Variants in SAMD12 observed in about 807,000 individuals in gnomAD.
The protein encoded by SAMD12 is sterile alpha motif domain-containing protein 12.
Under a neutral mutation model 15.0 loss-of-function variants are expected in SAMD12, and 9 were observed. The ratio of observed to expected loss-of-function variants is 0.60; its 90% CI spans 0.36 to 1.05. The LOEUF (loss-of-function observed/expected upper bound fraction) is 1.05. SAMD12 is among the 50% of genes least tolerant of loss of function. The probability of loss-of-function intolerance (pLI) is 0.01; values close to 1 mark genes in which losing one functional copy is unlikely to be tolerated. For missense variants in SAMD12, 230 were observed against 234.2 expected, an observed-to-expected ratio of 0.98 and a Z score of 0.12; for synonymous variants, 86 against 90.1, an observed-to-expected ratio of 0.96 and a Z score of 0.25.
At chr8:118,333,975 CTG>C (rs777240048) in intron 4 of SAMD12, among the ~76,000 whole-genome samples, 36 of 144,488 alleles carry the variant, frequency 2.5e-4, no homozygotes, top group Non-Finnish European at 3.0e-4. Context: ...AGGGGTGTGT[CTG>C]TGTGTGTGTG....
chr8:118,204,160 C>T (rs1382130935), intron 4 of SAMD12, among the ~76,000 whole-genome samples: 1 of 151,698 alleles, frequency 6.6e-6, no homozygotes, highest in Admixed American at 6.6e-5. Flanking sequence ...ACAGGCATTA[C>T]CATTATAAGA....
At position 118,379,239 on chromosome 8, in the gene SAMD12, G is replaced by A; in HGVS notation, c.*178C>T. On this transcript the variant is annotated 3_prime_UTR_variant, in exon 4 of 4. Coordinates refer to ENST00000314727, the MANE Select transcript of SAMD12 (RefSeq NM_207506.3). ...TGCACATTATACAACTCTAGTGAGT[G>A]CAATCGTACCCTGATTGATGTGACT... The A allele has an allele frequency of 7.0e-7, 1 of 1,420,056 alleles. No individual in the cohort carries two copies. Among genetic ancestry groups the A allele is most frequent in the South Asian group, 1.5e-5 (1 of 65,478 alleles). 88.0% of individuals were successfully genotyped at this position (1,420,056 alleles called of 1,614,324 possible). A position where few individuals can be genotyped will look rare whatever the true frequency, so the allele number is the denominator to read the frequency against.
At chr8:118,414,202 AAAG>A (rs1821570519) in intron 3 of SAMD12, among the ~76,000 whole-genome samples, 1 of 152,234 alleles carries the variant, frequency 6.6e-6, no homozygotes, top group Admixed American at 6.5e-5. Flanking sequence ...GACATTTGAA[AAAG>A]AAGAATCATT....
At chr8:118,442,051 TAG>T (rs1410380156) in intron 2 of SAMD12, among the ~76,000 whole-genome samples, 10 of 152,264 alleles carry the variant, frequency 6.6e-5, no homozygotes, top group Non-Finnish European at 1.5e-5. Context: ...GATACCACAA[TAG>T]AGAGTCAAGC....
At chr8:118,381,520 T>C (rs113725776) in intron 3 of SAMD12, among the ~76,000 whole-genome samples, 1 of 152,152 alleles carries the variant, frequency 6.6e-6, no homozygotes, top group South Asian at 2.1e-4. Flanking sequence ...TGGGAGAGTA[T>C]CTTTCATTAT....
At chr8:118,132,026 AAT>A in the SAMD12 span, among the ~76,000 whole-genome samples, 1 of 152,230 alleles carries the variant, frequency 6.6e-6, no homozygotes, top group Admixed American at 6.5e-5. Context: ...AGTGATAATC[AAT>A]GTCAGTATTT....
intron 2 of SAMD12, among the ~76,000 whole-genome samples, chr8:118,510,844 T>G (rs1825061282): frequency 6.6e-6 from 1 of 152,204 alleles, no homozygotes; most frequent in African/African-American, 2.4e-5. Flanking sequence ...TGCTAATGAC[T>G]CACAATATTA....
chr8:118,600,291 A>G (rs1207157101), intron 1 of SAMD12, among the ~76,000 whole-genome samples: 1 of 152,188 alleles, frequency 6.6e-6, no homozygotes, highest in African/African-American at 2.4e-5. Context: ...AGTAAAAAAA[A>G]AAAAACTACA....
chr8:118,471,483 C>G (rs1055030358), intron 2 of SAMD12, among the ~76,000 whole-genome samples: 5 of 151,994 alleles, frequency 3.3e-5, no homozygotes, highest in Non-Finnish European at 7.4e-5. Flanking sequence ...TTTGATGGCA[C>G]CAAATTATAA....
chr8:118,298,062 G>A (rs1586464685), intron 4 of SAMD12, among the ~76,000 whole-genome samples: 1 of 110,986 alleles, frequency 9.0e-6, no homozygotes, highest in African/African-American at 3.6e-5. Context: ...GACAGGTGGG[G>A]TGTGGTCACA....
rs149604422 is a variant in SAMD12, at chr8:118,542,230, G to A, written c.192+38485C>T. On this transcript the variant is annotated intron_variant, in intron 2 of 3. Transcript: ENST00000314727. ...GCAGGATAAGAAAACCAAATAGCAAGATAAGAGTACCAAAAAGATACTCTT... is the reference window on the plus strand; with the variant it reads ...GCAGGATAAGAAAACCAAATAGCAAAATAAGAGTACCAAAAAGATACTCTT... Among the ~76,000 whole-genome samples, 16 of 152,214 alleles carry A rather than the reference G, an allele frequency of 1.1e-4. No homozygotes were observed. In the East Asian group the frequency reaches 3.1e-3, roughly 29 times the overall value.
chr8:118,186,824 GAGAGA>G (rs974827646), downstream of SAMD12, among the ~76,000 whole-genome samples: 3 of 152,142 alleles, frequency 2.0e-5, no homozygotes, highest in Non-Finnish European at 4.4e-5. Context: ...TCCTGAGAGA[GAGAGA>G]AGAGTTAAAA....
chr8:118,266,783 T>C (rs995169011), intron 4 of SAMD12, among the ~76,000 whole-genome samples: 1 of 151,836 alleles, frequency 6.6e-6, no homozygotes, highest in Non-Finnish European at 1.5e-5. Context: ...ATTAAAAAAA[T>C]GGAAATTCAT....
chr8:118,554,840 C>G (rs1179406015), intron 2 of SAMD12, among the ~76,000 whole-genome samples: 1 of 152,126 alleles, frequency 6.6e-6, no homozygotes, highest in Non-Finnish European at 1.5e-5. Flanking sequence ...ACATAGAAAT[C>G]CTGCCTGAGT....
intron 2 of SAMD12, among the ~76,000 whole-genome samples, chr8:118,557,384 C>T (rs1048282650): frequency 8.5e-5 from 13 of 152,218 alleles, no homozygotes; most frequent in Middle Eastern, 6.3e-3. Context: ...ATAAATTACT[C>T]AGTCTTGGGT....
chr8:118,410,264 G>A (rs1821345842), intron 3 of SAMD12, among the ~76,000 whole-genome samples: 1 of 152,168 alleles, frequency 6.6e-6, no homozygotes, highest in Non-Finnish European at 1.5e-5. Context: ...GGTTGAAAGG[G>A]AGAGAGTTGT....
At chr8:118,327,668 A>C (rs1244090649) in intron 4 of SAMD12, among the ~76,000 whole-genome samples, 1 of 152,204 alleles carries the variant, frequency 6.6e-6, no homozygotes, top group Non-Finnish European at 1.5e-5. Context: ...CTATAATAAT[A>C]AAATGTTGAT....
intron 3 of SAMD12, among the ~76,000 whole-genome samples, chr8:118,426,990 C>T (rs974861946): frequency 2.6e-5 from 4 of 152,142 alleles, no homozygotes; most frequent in Non-Finnish European, 5.9e-5. Flanking sequence ...AAGACTCAGA[C>T]GAGCAGAATC....
Position 118,471,214 on chromosome 8 carries a change from AATAG to A in SAMD12, c.193-31257_193-31254del, listed in dbSNP as rs541991519. ...TTTTCATGTTTTAAAAATTATAGAGAATAGATAATTACTAGTGAATGCTGACCTT... is the reference window on the plus strand; with the variant it reads ...TTTTCATGTTTTAAAAATTATAGAGAATAATTACTAGTGAATGCTGACCTT... On this transcript the variant is annotated intron_variant, in intron 2 of 3. Coordinates refer to ENST00000314727, the MANE Select transcript of SAMD12 (RefSeq NM_207506.3). Among the ~76,000 whole-genome samples, 30 of 152,272 alleles carry A rather than the reference AATAG, an allele frequency of 2.0e-4. 1 individual carries two copies. In the South Asian group the frequency reaches 5.8e-3, roughly 29 times the overall value.
Sources: allele counts gnomAD v4.1 joint callset (sites outside exome capture counted in the v4.1 genomes callset), GRCh38; gene constraint gnomAD v4.1.1; transcripts MANE v1.5; gene names NCBI Gene and HGNC (gene_info 2026-07-23, HGNC 2026-07-21).